ANAPC1: variants seen among roughly 807,000 people sequenced by gnomAD.
ANAPC1 encodes anaphase promoting complex subunit 1.
ANAPC1 carries 36 observed loss-of-function variants against 208.0 expected under a neutral mutation model. The ratio of observed to expected loss-of-function variants is 0.17; its 90% CI spans 0.13 to 0.23. The LOEUF is 0.23. ANAPC1 is among the 10% of genes least tolerant of loss of function. The probability of loss-of-function intolerance (pLI) is 1.00; values close to 1 mark genes in which losing one functional copy is unlikely to be tolerated. For missense variants in ANAPC1, 942 were observed against 2,011.6 expected (o/e 0.47, Z 10.17); for synonymous variants, 378 against 695.2 (o/e 0.54, Z 7.18).
At position 111,810,709 on chromosome 2, in the gene ANAPC1, C is replaced by G. The variant is rs1678940489; in HGVS notation, c.3598-1528G>C. ...ACCAGCCTGGCCAACATGGTGAAAC[C>G]CTGTTTCCATCAAAAATACAAAAAT... On this transcript the variant is annotated intron_variant, in intron 28 of 47. Transcript: ENST00000341068. Among the ~76,000 whole-genome samples the G allele has an allele frequency of 4.1e-5, 6 of 146,522 alleles. No individual in the cohort carries two copies. In the South Asian group the frequency reaches 1.4e-3, roughly 33 times the overall value.
intron 44 of ANAPC1, chr2:111,779,909 C>T (rs1295413169): frequency 1.2e-5 from 3 of 244,784 alleles, no homozygotes; most frequent in African/African-American, 7.1e-5. Flanking sequence ...TTGAAGGTAA[C>T]AGGTGTATGA....
In ANAPC1 at chr2:111,795,353, G is replaced by A. The variant is rs1331457271; in HGVS notation, c.4297-459C>T. Among the ~76,000 whole-genome samples the A allele has an allele frequency of 5.3e-5, 8 of 150,144 alleles. No individual in the cohort carries two copies. The South Asian group carries it at 1.5e-3, about 28-fold the overall frequency. ...GCCAAGATCACGCCACTGCACTCCA[G>A]CCTGGGTGATAGAGTGAGACTCCAT... On this transcript the variant is annotated intron_variant, in intron 34 of 47. Coordinates refer to ENST00000341068, the MANE Select transcript of ANAPC1 (RefSeq NM_022662.4).
At chr2:111,870,900 T>C (rs1456966053) in intron 6 of ANAPC1, among the ~76,000 whole-genome samples, 2 of 152,190 alleles carry the variant, frequency 1.3e-5, no homozygotes, top group Non-Finnish European at 2.9e-5. Flanking sequence ...AATTTCATTC[T>C]TCTAAAAAAG....
chr2:111,839,122 C>T (rs980850046), intron 17 of ANAPC1, among the ~76,000 whole-genome samples: 2 of 152,176 alleles, frequency 1.3e-5, no homozygotes, highest in Non-Finnish European at 2.9e-5. Context: ...AGTCCTACCC[C>T]TGCTCCTCCA....
rs1679811733 is a variant in ANAPC1, at chr2:111,825,992, T to C, written c.2626-137A>G. 1.6e-5 allele frequency: 10 copies of C among 619,484 alleles called. No homozygotes were observed. In the South Asian group the frequency reaches 2.8e-4, roughly 17 times the overall value. 38.4% of individuals were successfully genotyped at this position (619,484 alleles called of 1,614,324 possible). Reference sequence around the variant, plus strand: ...CCTTGGCTCAAGCAATCTTCCTGCTTCAGTCTCCAGAGTAGCTAGGACTAT... The same window carrying C: ...CCTTGGCTCAAGCAATCTTCCTGCTCCAGTCTCCAGAGTAGCTAGGACTAT... On this transcript the variant is annotated intron_variant, in intron 21 of 47. Transcript: ENST00000341068.
intron 43 of ANAPC1, among the ~76,000 whole-genome samples, chr2:111,780,947 C>T (rs2104489159): frequency 1.4e-5 from 2 of 141,830 alleles, no homozygotes; most frequent in African/African-American, 5.8e-5. Context: ...GTTATTGTTG[C>T]AGGTATAGAT....
At chr2:111,823,242 C>A in intron 24 of ANAPC1, among the ~76,000 whole-genome samples, 1 of 151,576 alleles carries the variant, frequency 6.6e-6, no homozygotes, top group East Asian at 1.9e-4. Context: ...TGGTCTCGAT[C>A]TCCTGACCTC....
chr2:111,849,082 T>C (rs543375313), intron 14 of ANAPC1, among the ~76,000 whole-genome samples: 1 of 152,376 alleles, frequency 6.6e-6, no homozygotes, highest in African/African-American at 2.4e-5. Flanking sequence ...AGTGAATATC[T>C]TGTCAACACT....
Position 111,776,897 on chromosome 2 carries a change from T to C in ANAPC1, c.5546A>G (p.Lys1849Arg). 4.1e-6 allele frequency: 2 copies of C among 484,696 alleles called. No homozygotes were observed. Among genetic ancestry groups the C allele is most frequent in the Non-Finnish European group, 7.0e-6 (2 of 285,350 alleles). The allele number at this position is 484,696 out of a possible 1,614,324, so 30.0% of individuals were successfully genotyped here. A position where few individuals can be genotyped will look rare whatever the true frequency, so the allele number is the denominator to read the frequency against. The change falls in exon 46 of 48, where the codon AAG (lysine) becomes AGG (arginine). Residue 1849 changes from lysine (K) to arginine (R), a missense_variant. Lys to Arg is a conservative substitution (Grantham distance 26). Transcript: ENST00000341068. ...FMNSEFLPVV[K>R]CTIDNTLDQW... Reference sequence around the variant, plus strand: ...GTCCAGGGTATTATCAATGGTGCACTTCACAACAGGGAGGAATTCCGAGTT... The same window carrying C: ...GTCCAGGGTATTATCAATGGTGCACCTCACAACAGGGAGGAATTCCGAGTT...
chr2:111,838,648 G>C (rs1680601917), intron 17 of ANAPC1, 136 bp from the exon 18 acceptor site: 2 of 618,042 alleles, frequency 3.2e-6, no homozygotes, highest in Non-Finnish European at 5.5e-6. Context: ...TTTTGATCTG[G>C]AAAGGCATTA....
chr2:111,801,139 T>G (rs1678421778), intron 33 of ANAPC1, among the ~76,000 whole-genome samples: 1 of 152,032 alleles, frequency 6.6e-6, no homozygotes, highest in African/African-American at 2.4e-5. Context: ...GGCAGATCAC[T>G]GAAGCCCAGG....
intron 27 of ANAPC1, among the ~76,000 whole-genome samples, chr2:111,816,893 A>G (rs1224168608): frequency 1.0e-5 from 1 of 99,260 alleles, no homozygotes; most frequent in African/African-American, 3.9e-5. Context: ...TTAGCACCAC[A>G]ATGAGTAATA....
intron 47 of ANAPC1, among the ~76,000 whole-genome samples, chr2:111,772,083 T>C (rs1236846719): frequency 2.7e-5 from 4 of 147,566 alleles, no homozygotes; most frequent in Non-Finnish European, 6.0e-5. Context: ...AAGAATAATA[T>C]GGAATATTTA....
chr2:111,871,033 C>T (rs10191096), intron 6 of ANAPC1, among the ~76,000 whole-genome samples: 91,627 of 151,876 alleles, frequency 0.6, 28,118 homozygotes, highest in South Asian at 0.69. Flanking sequence ...TTCTGGTTTC[C>T]CTATTCTGTT....
At chr2:111,782,045 C>A (rs1166583738) in intron 43 of ANAPC1, among the ~76,000 whole-genome samples, 1 of 152,110 alleles carries the variant, frequency 6.6e-6, no homozygotes, top group African/African-American at 2.4e-5. Context: ...TTAAGTAAAT[C>A]TTCACCGATT....
chr2:111,825,518 C>T (rs1573401469), intron 22 of ANAPC1, among the ~76,000 whole-genome samples: 1 of 152,250 alleles, frequency 6.6e-6, no homozygotes, highest in Non-Finnish European at 1.5e-5. Context: ...TCATGTTGTT[C>T]AAGAGTCAAT....
At chr2:111,866,033 G>A (rs549921295) in intron 7 of ANAPC1, 84 of 172,884 alleles carry the variant, frequency 4.9e-4, no homozygotes, top group African/African-American at 1.8e-3. Flanking sequence ...GTGAAACCCC[G>A]TCTCTACTAA....
Position 111,849,575 on chromosome 2 carries a change from T to C in ANAPC1, c.1650+1201A>G, listed in dbSNP as rs543407092. On this transcript the variant is annotated intron_variant, in intron 14 of 47. Transcript: ENST00000341068. ...ACCACTTTTCTCCAGGCTTCCTAAC[T>C]TGGTAAATCCAGGTACCTTCCCAGG... Among the ~76,000 whole-genome samples, 3 of 152,224 alleles carry C rather than the reference T, an allele frequency of 2.0e-5. No homozygotes were observed. The East Asian group carries it at 5.8e-4, about 29-fold the overall frequency.
intron 30 of ANAPC1, among the ~76,000 whole-genome samples, chr2:111,804,195 GATA>G (rs1678568617): frequency 7.2e-6 from 1 of 138,522 alleles, no homozygotes; most frequent in African/African-American, 2.7e-5. Flanking sequence ...CAATAACTAT[GATA>G]ATAATAGTAA....
Sources: allele counts gnomAD v4.1 joint callset (sites outside exome capture counted in the v4.1 genomes callset), GRCh38; gene constraint gnomAD v4.1.1; transcripts MANE v1.5; gene names NCBI Gene and HGNC (gene_info 2026-07-23, HGNC 2026-07-21).